Variants in EPHA2 observed in about 807,000 individuals in gnomAD.
EPHA2 encodes the protein EPH receptor A2, also known as ephrin type-A receptor 2.
A neutral mutation model predicts 104.9 loss-of-function variants in EPHA2; 54 were observed. That is an observed-to-expected ratio of 0.51 (90% CI 0.41 to 0.65). EPHA2 has a LOEUF of 0.65. Among genes scored for constraint, EPHA2 ranks in the 30% least tolerant of loss-of-function variants. EPHA2 has a pLI of 0.00. For missense variants in EPHA2, 1,117 were observed against 1,369.5 expected (o/e 0.82, Z 2.91); for synonymous variants, 560 against 559.1 (o/e 1.00, Z -0.02).
In EPHA2 at chr1:16,131,473, G is replaced by C. The variant is rs563374090; in HGVS notation, c.2475+248C>G. Among the ~76,000 whole-genome samples, 1 of 152,078 alleles carries C rather than the reference G, an allele frequency of 6.6e-6. No homozygotes were observed. Among genetic ancestry groups the C allele is most frequent in the Non-Finnish European group, 1.5e-5 (1 of 68,016 alleles). On this transcript the variant is annotated intron_variant, in intron 14 of 16. Coordinates refer to ENST00000358432, the MANE Select transcript of EPHA2 (RefSeq NM_004431.5). The surrounding 1 kb of genome is among the most constrained non-coding windows in gnomAD (Gnocchi z 5.2). The stretch of plus-strand genomic sequence containing the variant: ...CGCATGCCTGTAATCCCAGCTACTC[G>C]GGAGGCTGAGGCAGGAGAATTGCTT...
Position 16,134,534 on chromosome 1 carries a change from C to T in EPHA2, c.1616G>A (p.Gly539Asp), listed in dbSNP as rs1199955671. 6.2e-7 allele frequency: 1 copy of T among 1,614,142 alleles called. No homozygotes were observed. Residue 539 changes from glycine to aspartate, a missense_variant, in exon 8 of 17, where the codon GGC (glycine) becomes GAC (aspartate). Transcript: ENST00000358432. This position sits in a 1 kb window ranked among gnomAD's most constrained non-coding sequence, Gnocchi z 4.5. Reference sequence around the variant, plus strand: ...CAGGACCACACCGACAGCCACGCCGCCAATCACCGCCAAGTTGCCAGATCC... The same window carrying T: ...CAGGACCACACCGACAGCCACGCCGTCAATCACCGCCAAGTTGCCAGATCC... ...PEGSGNLAVI[G>D]GVAVGVVLLL...
At chr1:16,152,659 G>C (rs1410434091) in intron 1 of EPHA2, among the ~76,000 whole-genome samples, 1 of 152,188 alleles carries the variant, frequency 6.6e-6, no homozygotes, top group East Asian at 1.9e-4. Flanking sequence ...AAGGACAAAG[G>C]TTCCTCACAG....
rs2024570475 is a variant in EPHA2, at chr1:16,131,604, T to C, written c.2475+117A>G. On this transcript the variant is annotated intron_variant, in intron 14 of 16. Transcript: ENST00000358432. This position sits in a 1 kb window ranked among gnomAD's most constrained non-coding sequence, Gnocchi z 5.2. ...TCCAAAAAAAAAAAATAAACATTTATGGAGCAAGCCTAAGAAGGTTCATCT... is the reference window on the plus strand; with the variant it reads ...TCCAAAAAAAAAAAATAAACATTTACGGAGCAAGCCTAAGAAGGTTCATCT... The C allele has an allele frequency of 3.5e-6, 5 of 1,418,088 alleles. No individual in the cohort carries two copies. In the South Asian group the frequency reaches 3.9e-5, roughly 11 times the overall value. 87.8% of individuals were successfully genotyped at this position (1,418,088 alleles called of 1,614,324 possible). A position where few individuals can be genotyped will look rare whatever the true frequency, so the allele number is the denominator to read the frequency against.
intron 1 of EPHA2, among the ~76,000 whole-genome samples, chr1:16,152,822 G>A (rs542756797): frequency 5.9e-5 from 9 of 152,286 alleles, no homozygotes; most frequent in African/African-American, 2.2e-4. Flanking sequence ...GGGCTCAATC[G>A]GAGAAGAAAA....
intron 15 of EPHA2, among the ~76,000 whole-genome samples, chr1:16,129,838 C>T (rs1012632972): frequency 2.0e-5 from 3 of 152,198 alleles, no homozygotes; most frequent in Non-Finnish European, 2.9e-5. Flanking sequence ...ACTACCACAT[C>T]ATAAAATGCT....
chr1:16,155,769 T>C (rs565000019), intron 1 of EPHA2, 79 bp downstream of exon 1: 396 of 1,168,698 alleles, frequency 3.4e-4, no homozygotes, highest in Middle Eastern at 3.3e-3. Context: ...GGTTCCAAAG[T>C]TGCGCGCGTC....
intron 5 of EPHA2, among the ~76,000 whole-genome samples, chr1:16,137,456 T>G (rs1415213493): frequency 6.6e-6 from 1 of 151,772 alleles, no homozygotes; most frequent in Non-Finnish European, 1.5e-5. Context: ...AAATTAGCTG[T>G]GTGTGGTGGC....
intron 3 of EPHA2, among the ~76,000 whole-genome samples, chr1:16,141,244 G>T (rs1201920462): frequency 2.6e-5 from 4 of 152,198 alleles, no homozygotes; most frequent in Non-Finnish European, 5.9e-5. Context: ...GCACTTTTGT[G>T]TCTGTGAGCA....
At chr1:16,155,675 C>A (rs113182230) in intron 1 of EPHA2, 173 bp downstream of exon 1, 1 of 481,914 alleles carries the variant, frequency 2.1e-6, no homozygotes, top group Non-Finnish European at 3.5e-6. Context: ...CCCCTATGAC[C>A]CCGGGTGGGG....
Position 16,135,601 on chromosome 1 carries a change from C to T in EPHA2, c.1428+54G>A. 6.6e-7 allele frequency: 1 copy of T among 1,523,536 alleles called. No homozygotes were observed. The highest frequency in any genetic ancestry group is 1.4e-5 in the African/African-American group (1 of 73,250). The allele number at this position is 1,523,536 out of a possible 1,614,324, so 94.4% of individuals were successfully genotyped here. ...GTTTGGTGATCATCTATGTGACCAG[C>T]CTGTCCCCTGCTGTCGGCCCAGCTA... is the stretch of plus-strand genomic sequence containing the variant. On this transcript the variant is annotated intron_variant, in intron 6 of 16. Transcript: ENST00000358432. The surrounding 1 kb of genome is among the most constrained non-coding windows in gnomAD (Gnocchi z 4.3).
intron 10 of EPHA2, 30 bp from the exon 11 acceptor site, chr1:16,133,398 C>T: frequency 6.2e-7 from 1 of 1,613,886 alleles, no homozygotes; most frequent in Non-Finnish European, 8.5e-7. Context: ...GGGGAGTGCC[C>T]TGGTCAGCCC....
At chr1:16,133,797 C>A in intron 9 of EPHA2, 63 bp downstream of exon 9, 2 of 1,501,288 alleles carry the variant, frequency 1.3e-6, no homozygotes, top group South Asian at 1.3e-5. Flanking sequence ...CTGCCCCCAC[C>A]TCCCCCACAG....
chr1:16,149,856 C>T lies in EPHA2; in HGVS notation c.154-809G>A, dbSNP rs1248423431. 4.6e-5 allele frequency among the ~76,000 whole-genome samples: 7 copies of T among 152,122 alleles called. No individual in the cohort carries two copies. The South Asian group carries it at 1.0e-3, about 23-fold the overall frequency. ...CACCTGTGTCCTGTGTCCCGAGAGC[C>T]GGCCTGAGACAGAGTAGGTGCTCAG... On this transcript the variant is annotated intron_variant, in intron 2 of 16. Coordinates refer to ENST00000358432, the MANE Select transcript of EPHA2 (RefSeq NM_004431.5).
intron 5 of EPHA2, among the ~76,000 whole-genome samples, chr1:16,136,591 C>T (rs1466149751): frequency 6.8e-6 from 1 of 147,278 alleles, no homozygotes; most frequent in Non-Finnish European, 1.5e-5. Context: ...TGCACTCCAG[C>T]CTGGGCAACA....
Position 16,148,258 on chromosome 1 carries a change from A to G in EPHA2, c.823+120T>C. ...CTGGGAAGGATCTATAATTTCCACTAACAGAACTAATGTGTGTCAAAGCAG... is the reference window on the plus strand; with the variant it reads ...CTGGGAAGGATCTATAATTTCCACTGACAGAACTAATGTGTGTCAAAGCAG... On this transcript the variant is annotated intron_variant, in intron 3 of 16. Coordinates refer to ENST00000358432, the MANE Select transcript of EPHA2 (RefSeq NM_004431.5). The surrounding 1 kb of genome is among the most constrained non-coding windows in gnomAD (Gnocchi z 4.9). 1 of 1,272,782 alleles carries G rather than the reference A, an allele frequency of 7.9e-7. No individual in the cohort carries two copies. The highest frequency in any genetic ancestry group is 1.1e-6 in the Non-Finnish European group (1 of 885,088). 78.8% of individuals were successfully genotyped at this position (1,272,782 alleles called of 1,614,324 possible).
intron 2 of EPHA2, among the ~76,000 whole-genome samples, 156 bp from the exon 3 acceptor site, chr1:16,149,203 A>T (rs962248116): frequency 6.6e-6 from 1 of 152,154 alleles, no homozygotes; most frequent in Non-Finnish European, 1.5e-5. Context: ...GGCTGCATCC[A>T]TAAGTGGCTG....
intron 3 of EPHA2, among the ~76,000 whole-genome samples, chr1:16,144,928 G>A (rs912486167): frequency 3.3e-5 from 5 of 152,228 alleles, no homozygotes; most frequent in African/African-American, 2.4e-5. Context: ...CTTATGAGAT[G>A]TCCAGCATGG....
chr1:16,144,567 C>G (rs570545834), intron 3 of EPHA2, among the ~76,000 whole-genome samples: 1 of 152,338 alleles, frequency 6.6e-6, no homozygotes, highest in South Asian at 2.1e-4. Flanking sequence ...GGGACCCCTC[C>G]TCACCACACT....
rs78345174 is a variant in EPHA2 at position 16,125,722 on chromosome 1, G to A, written c.2826-402C>T. Among the ~76,000 whole-genome samples, 1 of 152,144 alleles carries A rather than the reference G, an allele frequency of 6.6e-6. No homozygotes were observed. Among genetic ancestry groups the A allele is most frequent in the Non-Finnish European group, 1.5e-5 (1 of 68,010 alleles). On this transcript the variant is annotated intron_variant, in intron 16 of 16. Coordinates refer to ENST00000358432, the MANE Select transcript of EPHA2 (RefSeq NM_004431.5). This position sits in a 1 kb window ranked among gnomAD's most constrained non-coding sequence, Gnocchi z 4.9. Reference sequence around the variant, plus strand: ...CTTGCCTGAAGTCACACAGCTAGGAGGTGGAAGAGCTGGGAATCAAACCAG... The same window carrying A: ...CTTGCCTGAAGTCACACAGCTAGGAAGTGGAAGAGCTGGGAATCAAACCAG...
Sources: allele counts gnomAD v4.1 joint callset (sites outside exome capture counted in the v4.1 genomes callset), GRCh38; gene constraint gnomAD v4.1.1; non-coding constraint Gnocchi (gnomAD v3.1); transcripts MANE v1.5; gene names NCBI Gene and HGNC (gene_info 2026-07-23, HGNC 2026-07-21).